The following POU6F2 variants were observed in gnomAD, a reference collection of about 807,000 sequenced individuals.
POU6F2 encodes POU domain, class 6, transcription factor 2.
POU6F2 carries 31 observed loss-of-function variants against 71.3 expected under a neutral mutation model. That is an observed-to-expected ratio of 0.43 (90% CI 0.33 to 0.59). The LOEUF (loss-of-function observed/expected upper bound fraction) is 0.59, where lower values mean the gene tolerates loss of function less well. Among genes scored for constraint, POU6F2 ranks in the 20% least tolerant of loss-of-function variants. The probability of loss-of-function intolerance (pLI) is 0.04; values close to 1 mark genes in which losing one functional copy is unlikely to be tolerated. For missense variants in POU6F2, 783 were observed against 856.8 expected, an observed-to-expected ratio of 0.91 and a Z score of 1.07; for synonymous variants, 347 against 355.7, an observed-to-expected ratio of 0.98 and a Z score of 0.27.
chr7:39,137,294 G>T (rs1445352534), intron 2 of POU6F2, among the ~76,000 whole-genome samples: 1 of 151,982 alleles, frequency 6.6e-6, no homozygotes, highest in Non-Finnish European at 1.5e-5. Context: ...AAAAAGGAAA[G>T]TTAAGAAGCC....
chr7:39,413,786 T>C (rs1384113676), intron 6 of POU6F2, among the ~76,000 whole-genome samples: 12 of 152,200 alleles, frequency 7.9e-5, no homozygotes. Context: ...TTCATCTGAG[T>C]TATAAAGATA....
intron 2 of POU6F2, among the ~76,000 whole-genome samples, chr7:39,163,532 C>G (rs1479985192): frequency 3.9e-5 from 6 of 152,176 alleles, no homozygotes; most frequent in Non-Finnish European, 7.4e-5. Flanking sequence ...TCCTGTGGAT[C>G]TGTCTCTTGC....
chr7:39,152,318 C>T (rs547847989), intron 2 of POU6F2, among the ~76,000 whole-genome samples: 2 of 152,238 alleles, frequency 1.3e-5, no homozygotes, highest in South Asian at 4.1e-4. Flanking sequence ...TAGGGACTGG[C>T]TGTGGCAGTT....
At chr7:39,058,286 G>A (rs981676617) in intron 1 of POU6F2, among the ~76,000 whole-genome samples, 9 of 152,134 alleles carry the variant, frequency 5.9e-5, no homozygotes, top group Non-Finnish European at 1.0e-4. Flanking sequence ...CAATGCCCCC[G>A]GATGAATTTG....
At chr7:39,272,950 A>T (rs1784365953) in intron 4 of POU6F2, among the ~76,000 whole-genome samples, 1 of 152,230 alleles carries the variant, frequency 6.6e-6, no homozygotes, top group Non-Finnish European at 1.5e-5. Context: ...ATGAGGATGA[A>T]AAGACAACTT....
intron 2 of POU6F2, among the ~76,000 whole-genome samples, chr7:39,187,393 T>A (rs1793563183): frequency 6.6e-6 from 1 of 152,246 alleles, no homozygotes; most frequent in African/African-American, 2.4e-5. Flanking sequence ...CTGACTCAGC[T>A]GTCTGAGAGT....
rs930296474 is a variant in POU6F2 at position 39,466,419 on chromosome 7, G to A, written c.*1733G>A. 1.3e-5 allele frequency: 2 copies of A among 152,272 alleles called. No individual in the cohort carries two copies. The highest frequency in any genetic ancestry group is 4.8e-5 in the African/African-American group (2 of 41,466). 9.4% of individuals were successfully genotyped at this position (152,272 alleles called of 1,614,324 possible). ...GTTTTCACCCAGGTACAGGCAGACGGTGTTCCATTAAAGGAGCAGGCAAAA... is the reference window on the plus strand; with the variant it reads ...GTTTTCACCCAGGTACAGGCAGACGATGTTCCATTAAAGGAGCAGGCAAAA... On this transcript the variant is annotated 3_prime_UTR_variant, in exon 10 of 10. Coordinates refer to ENST00000518318, the MANE Select transcript of POU6F2 (RefSeq NM_001370959.1).
intron 1 of POU6F2, among the ~76,000 whole-genome samples, chr7:39,054,615 A>G (rs1790468604): frequency 6.6e-6 from 1 of 152,068 alleles, no homozygotes; most frequent in African/African-American, 2.4e-5. Flanking sequence ...AAATATTAAG[A>G]GGAAGGAGTT....
chr7:39,409,942 C>T (rs145714345), intron 6 of POU6F2, among the ~76,000 whole-genome samples: 2 of 152,276 alleles, frequency 1.3e-5, no homozygotes, highest in East Asian at 3.9e-4. Context: ...GGAGGAAAAA[C>T]TTCAGTTGTT....
intron 4 of POU6F2, among the ~76,000 whole-genome samples, chr7:39,219,718 T>TA (rs1794310923): frequency 1.3e-5 from 2 of 152,134 alleles, no homozygotes. Flanking sequence ...TAGCCAAAAC[T>TA]AAAAAAATAA....
At chr7:39,182,760 C>T (rs1473371661) in intron 2 of POU6F2, among the ~76,000 whole-genome samples, 2 of 152,144 alleles carry the variant, frequency 1.3e-5, no homozygotes, top group Non-Finnish European at 2.9e-5. Context: ...TTCCTGAGAG[C>T]TCATCCATTC....
intron 5 of POU6F2, among the ~76,000 whole-genome samples, chr7:39,342,497 T>G (rs1785939455): frequency 6.6e-6 from 1 of 152,250 alleles, no homozygotes; most frequent in African/African-American, 2.4e-5. Flanking sequence ...TTTATTTTCA[T>G]GTGGGCTTTA....
intron 5 of POU6F2, among the ~76,000 whole-genome samples, chr7:39,378,458 G>A (rs558853937): frequency 6.6e-6 from 1 of 152,260 alleles, no homozygotes; most frequent in East Asian, 1.9e-4. Context: ...TGGCATATTG[G>A]TGGCATGATG....
chr7:39,454,722 A>G (rs867014270), intron 8 of POU6F2, among the ~76,000 whole-genome samples: 1 of 89,414 alleles, frequency 1.1e-5, no homozygotes, highest in Admixed American at 1.2e-4. Context: ...ATATATATAT[A>G]TATATAAAAT....
intron 1 of POU6F2, among the ~76,000 whole-genome samples, chr7:38,978,994 TG>T (rs1220566634): frequency 6.6e-6 from 1 of 152,040 alleles, no homozygotes; most frequent in African/African-American, 2.4e-5. Flanking sequence ...ATAACTAAAG[TG>T]GTGGAAGGAA....
intron 1 of POU6F2, among the ~76,000 whole-genome samples, chr7:38,996,412 T>G (rs1788740467): frequency 6.7e-6 from 1 of 149,690 alleles, no homozygotes; most frequent in Non-Finnish European, 1.5e-5. Context: ...TTTAACTTGC[T>G]ATTGCATCCT....
chr7:39,460,080 T>C lies in POU6F2; in HGVS notation c.1490-467T>C, dbSNP rs562194728. Among the ~76,000 whole-genome samples the C allele has an allele frequency of 1.3e-5, 2 of 152,316 alleles. No homozygotes were observed. The highest frequency in any genetic ancestry group is 2.9e-5 in the Non-Finnish European group (2 of 68,024). ...TTAGCCTGACTGCTTTGGCGATCAGTTGAAGGAAAAATACAAAATACTATT... is the reference window on the plus strand; with the variant it reads ...TTAGCCTGACTGCTTTGGCGATCAGCTGAAGGAAAAATACAAAATACTATT... On this transcript the variant is annotated intron_variant, in intron 8 of 9. Coordinates refer to ENST00000518318, the MANE Select transcript of POU6F2 (RefSeq NM_001370959.1). The surrounding 1 kb of genome is among the most constrained non-coding windows in gnomAD (Gnocchi z 4.4).
chr7:39,310,381 T>C (rs746521936), intron 4 of POU6F2, among the ~76,000 whole-genome samples: 1 of 152,178 alleles, frequency 6.6e-6, no homozygotes, highest in Non-Finnish European at 1.5e-5. Context: ...TACACAAATA[T>C]CTGTTTAAGT....
At chr7:39,361,002 A>G (rs1380909071) in intron 5 of POU6F2, among the ~76,000 whole-genome samples, 1 of 152,180 alleles carries the variant, frequency 6.6e-6, no homozygotes, top group Non-Finnish European at 1.5e-5. Context: ...TAGAATGTCT[A>G]ACCATCTAGG....
Sources: allele counts gnomAD v4.1 joint callset (sites outside exome capture counted in the v4.1 genomes callset), GRCh38; gene constraint gnomAD v4.1.1; non-coding constraint Gnocchi (gnomAD v3.1); transcripts MANE v1.5; gene names NCBI Gene and HGNC (gene_info 2026-07-23, HGNC 2026-07-21).